ADARB1: variants seen among roughly 807,000 people sequenced by gnomAD.
ADARB1 encodes the protein double-stranded RNA-specific editase 1.
Under a neutral mutation model 52.4 loss-of-function variants are expected in ADARB1, and 10 were observed. The observed-to-expected ratio is 0.19, with a 90% confidence interval of 0.12 to 0.32. The LOEUF (loss-of-function observed/expected upper bound fraction) is 0.32. Ranked by LOEUF, ADARB1 falls within the 10% of genes least tolerant of loss-of-function variation. The probability of loss-of-function intolerance (pLI) is 1.00; values close to 1 mark genes in which losing one functional copy is unlikely to be tolerated. For missense variants in ADARB1, 643 were observed against 922.3 expected, an observed-to-expected ratio of 0.70 and a Z score of 3.92; for synonymous variants, 349 against 371.1, an observed-to-expected ratio of 0.94 and a Z score of 0.68.
chr21:45,224,439 C>T lies in ADARB1; in HGVS notation c.*2242C>T. 1.2e-6 allele frequency: 1 copy of T among 855,442 alleles called. No individual in the cohort carries two copies. The highest frequency in any genetic ancestry group is 1.3e-6 in the Non-Finnish European group (1 of 774,304). 53.0% of individuals were successfully genotyped at this position (855,442 alleles called of 1,614,324 possible). On this transcript the variant is annotated 3_prime_UTR_variant, in exon 11 of 11. Coordinates refer to ENST00000348831, the MANE Select transcript of ADARB1 (RefSeq NM_001112.4). ...AGGACAGGCACAGGGCACCCTATCCCAAGCCGTCCAGGCAGGAGGAAGGCA... is the reference window on the plus strand; with the variant it reads ...AGGACAGGCACAGGGCACCCTATCCTAAGCCGTCCAGGCAGGAGGAAGGCA...
At chr21:45,194,571 C>T (rs979103811) in intron 8 of ADARB1, among the ~76,000 whole-genome samples, 1 of 151,852 alleles carries the variant, frequency 6.6e-6, no homozygotes, top group Non-Finnish European at 1.5e-5. Flanking sequence ...CTCCTAACCT[C>T]TGTACTCTGC....
chr21:45,162,494 C>A (rs1423082746), intron 2 of ADARB1, among the ~76,000 whole-genome samples: 1 of 152,168 alleles, frequency 6.6e-6, no homozygotes, highest in African/African-American at 2.4e-5. Context: ...GCAGAATGAG[C>A]CCAGCAGGCC....
At position 45,179,811 on chromosome 21, in the gene ADARB1, G is replaced by A. The variant is rs560747151; in HGVS notation, c.964-519G>A. Among the ~76,000 whole-genome samples, 121 of 152,102 alleles carry A rather than the reference G, an allele frequency of 8.0e-4. 1 individual carries two copies. Among genetic ancestry groups the A allele is most frequent in the African/African-American group, 2.7e-3 (114 of 41,490 alleles). ...AGCTTGTGGCTTCCTTCACTGGATCGCATCTCCAAGCTGCCCCTTTCTCTT... is the reference window on the plus strand; with the variant it reads ...AGCTTGTGGCTTCCTTCACTGGATCACATCTCCAAGCTGCCCCTTTCTCTT... On this transcript the variant is annotated intron_variant, in intron 4 of 10. Transcript: ENST00000348831.
intron 2 of ADARB1, among the ~76,000 whole-genome samples, chr21:45,148,179 C>T (rs2090103131): frequency 1.3e-5 from 2 of 152,334 alleles, no homozygotes; most frequent in Admixed American, 6.5e-5. Flanking sequence ...CACTCACCTC[C>T]TCCTTGGTTT....
At chr21:45,108,629 C>A (rs891155285) in intron 1 of ADARB1, among the ~76,000 whole-genome samples, 4 of 152,214 alleles carry the variant, frequency 2.6e-5, no homozygotes, top group African/African-American at 7.2e-5. Context: ...CCAACCACCA[C>A]ACCCACATCC....
rs1394849697 is a variant in ADARB1 at position 45,142,203 on chromosome 21, C to T, written c.-48+13630C>T. 6.6e-6 allele frequency among the ~76,000 whole-genome samples: 1 copy of T among 152,240 alleles called. No individual in the cohort carries two copies. The highest frequency in any genetic ancestry group is 1.5e-5 in the Non-Finnish European group (1 of 68,044). ...TGCAGCTAATTAAGGTCGCTCAATT[C>T]AAGTGTCTCCTTTTTTTGGGCTCCT... is the stretch of plus-strand genomic sequence containing the variant. On this transcript the variant is annotated intron_variant, in intron 2 of 10. Coordinates refer to ENST00000348831, the MANE Select transcript of ADARB1 (RefSeq NM_001112.4). The surrounding 1 kb of genome is among the most constrained non-coding windows in gnomAD (Gnocchi z 4.0).
intron 2 of ADARB1, among the ~76,000 whole-genome samples, chr21:45,151,445 C>T (rs1307931585): frequency 6.6e-6 from 1 of 152,226 alleles, no homozygotes; most frequent in East Asian, 1.9e-4. Context: ...TACTTTGTTA[C>T]ACGAGACAGT....
intron 1 of ADARB1, among the ~76,000 whole-genome samples, chr21:45,115,356 T>C (rs746071307): frequency 1.6e-4 from 25 of 152,208 alleles, no homozygotes; most frequent in Non-Finnish European, 3.7e-4. Context: ...TGGGCTGCTG[T>C]GATGGGAAAG....
At chr21:45,149,715 CATTG>C (rs773438798) in intron 2 of ADARB1, among the ~76,000 whole-genome samples, 20 of 152,292 alleles carry the variant, frequency 1.3e-4, no homozygotes, top group Middle Eastern at 3.4e-3. Flanking sequence ...TCTCCCATAA[CATTG>C]ATTATTTTGT....
rs183069108 is a variant in ADARB1, at chr21:45,225,294, C to T, written c.*3097C>T. On this transcript the variant is annotated 3_prime_UTR_variant, in exon 11 of 11. Coordinates refer to ENST00000348831, the MANE Select transcript of ADARB1 (RefSeq NM_001112.4). Reference sequence around the variant, plus strand: ...ATCACCTGGTCGTACGCCAGGCCCACCTCTTCCCAGCAAGGGACGCCAAAG... The same window carrying T: ...ATCACCTGGTCGTACGCCAGGCCCATCTCTTCCCAGCAAGGGACGCCAAAG... The T allele has an allele frequency of 4.9e-4, 578 of 1,183,776 alleles. No individual in the cohort carries two copies. The highest frequency in any genetic ancestry group is 5.7e-4 in the Non-Finnish European group (549 of 957,748). The allele number at this position is 1,183,776 out of a possible 1,614,324, so 73.3% of individuals were successfully genotyped here.
chr21:45,139,661 G>A (rs376713445), intron 2 of ADARB1, among the ~76,000 whole-genome samples: 173 of 152,284 alleles, frequency 1.1e-3, no homozygotes, highest in African/African-American at 4.0e-3. Context: ...GTGGGGCCGC[G>A]TGCGCCCGTG....
chr21:45,165,570 A>G (rs1176815838), intron 2 of ADARB1, among the ~76,000 whole-genome samples: 1 of 152,164 alleles, frequency 6.6e-6, no homozygotes, highest in African/African-American at 2.4e-5. Context: ...CACTTCAGTG[A>G]TATTGTTTGG....
At chr21:45,118,775 C>T (rs947523315) in intron 1 of ADARB1, among the ~76,000 whole-genome samples, 3 of 152,194 alleles carry the variant, frequency 2.0e-5, no homozygotes, top group African/African-American at 7.2e-5. Context: ...CTTTGGAGAG[C>T]GATTCTCAGG....
intron 2 of ADARB1, among the ~76,000 whole-genome samples, chr21:45,153,301 TG>T (rs2090393631): frequency 2.0e-5 from 3 of 151,858 alleles, no homozygotes; most frequent in Admixed American, 6.6e-5. Context: ...CACAAGCTAC[TG>T]GTTTTTGGAC....
At chr21:45,136,835 G>A (rs1220986564) in intron 2 of ADARB1, among the ~76,000 whole-genome samples, 2 of 152,240 alleles carry the variant, frequency 1.3e-5, no homozygotes, top group South Asian at 2.1e-4. Flanking sequence ...AAGGGAGTTT[G>A]TGACTTGGGA....
chr21:45,156,574 CTCA>C (rs1439387111), intron 2 of ADARB1, among the ~76,000 whole-genome samples: 3 of 143,628 alleles, frequency 2.1e-5, no homozygotes, highest in South Asian at 4.8e-4. Flanking sequence ...CATGCACCCA[CTCA>C]TCATCATCCA....
intron 7 of ADARB1, 64 bp downstream of exon 7, chr21:45,183,574 C>G (rs1017117643): frequency 6.4e-7 from 1 of 1,555,080 alleles, no homozygotes; most frequent in Non-Finnish European, 8.8e-7. Context: ...AAAAACTAAC[C>G]TGTGTTAATA....
At chr21:45,086,959 T>G (rs1367963142) in intron 1 of ADARB1, among the ~76,000 whole-genome samples, 1 of 152,222 alleles carries the variant, frequency 6.6e-6, no homozygotes, top group Non-Finnish European at 1.5e-5. Context: ...GCTTCTTGAA[T>G]TGTATGAGCC....
chr21:45,147,844 C>T (rs1000795086), intron 2 of ADARB1, among the ~76,000 whole-genome samples: 5 of 152,346 alleles, frequency 3.3e-5, no homozygotes, highest in Middle Eastern at 3.4e-3. Context: ...TTTCTGCTCC[C>T]AGCATCCTCT....
Sources: gnomAD v4.1 joint callset for allele counts (sites outside exome capture counted in the v4.1 genomes callset) on GRCh38, gnomAD v4.1.1 for gene constraint, Gnocchi (gnomAD v3.1) non-coding constraint, MANE v1.5 for transcripts, NCBI Gene and HGNC (gene_info 2026-07-23, HGNC 2026-07-21) for gene names.